Variants in GAS7 observed in about 807,000 individuals in gnomAD.
The protein encoded by GAS7 is growth arrest-specific protein 7.
A neutral mutation model predicts 71.1 loss-of-function variants in GAS7; 28 were observed. The observed-to-expected ratio is 0.39, with a 90% CI of 0.29 to 0.54. GAS7 has a LOEUF of 0.54. Ranked by LOEUF, GAS7 falls within the 20% of genes least tolerant of loss-of-function variation. GAS7 has a pLI of 0.62. For synonymous variants in GAS7, 258 were observed against 245.8 expected, an observed-to-expected ratio of 1.05 and a Z score of -0.46; for missense variants, 436 against 627.8, an observed-to-expected ratio of 0.69 and a Z score of 3.27.
intron 2 of GAS7, among the ~76,000 whole-genome samples, chr17:9,989,119 G>T (rs1436628563): frequency 6.6e-6 from 1 of 152,076 alleles, no homozygotes; most frequent in Non-Finnish European, 1.5e-5. Flanking sequence ...AAAGTGCTGG[G>T]ACTACGCGCC....
chr17:10,051,608 C>G (rs777468201), intron 1 of GAS7, among the ~76,000 whole-genome samples: 2 of 152,148 alleles, frequency 1.3e-5, no homozygotes, highest in Non-Finnish European at 2.9e-5. Context: ...CGCAAGTCCA[C>G]GAGGGCTACA....
At chr17:9,932,000 C>T (rs988327259) in intron 9 of GAS7, among the ~76,000 whole-genome samples, 11 of 152,054 alleles carry the variant, frequency 7.2e-5, no homozygotes, top group South Asian at 2.1e-4. Flanking sequence ...GAGTGCTGAA[C>T]GTGGAAGTCC....
At chr17:10,057,798 C>G (rs879127632) in intron 1 of GAS7, among the ~76,000 whole-genome samples, 1 of 152,116 alleles carries the variant, frequency 6.6e-6, no homozygotes, top group Non-Finnish European at 1.5e-5. Context: ...GGGGTTTTGT[C>G]GAATAGAAAA....
chr17:9,951,745 A>G (rs1405360668), intron 5 of GAS7, among the ~76,000 whole-genome samples: 2 of 138,364 alleles, frequency 1.4e-5, no homozygotes, highest in Admixed American at 7.4e-5. Flanking sequence ...GGGCAACAAG[A>G]GCAAAACTCT....
Position 9,983,362 on chromosome 17 carries a change from G to A in GAS7, c.305-1478C>T, listed in dbSNP as rs149208217. On this transcript the variant is annotated intron_variant, in intron 2 of 13. Transcript: ENST00000432992. ...AAAAATTAGCCAGGTGTGGTAGCACGTGCCTGTGGTCCCAGCTACTCAGGA... is the reference window on the plus strand; with the variant it reads ...AAAAATTAGCCAGGTGTGGTAGCACATGCCTGTGGTCCCAGCTACTCAGGA... 5.5e-4 allele frequency among the ~76,000 whole-genome samples: 84 copies of A among 152,222 alleles called. No individual in the cohort carries two copies. In the Middle Eastern group the frequency reaches 0.01, roughly 18 times the overall value.
chr17:10,162,096 C>T (rs906192153), intron 1 of GAS7, among the ~76,000 whole-genome samples: 18 of 150,654 alleles, frequency 1.2e-4, no homozygotes, highest in African/African-American at 1.7e-4. Context: ...AAATCGCCTT[C>T]CCAGAATGCT....
intron 2 of GAS7, among the ~76,000 whole-genome samples, chr17:10,005,189 GCACGCATGCATGTGTGTGCA>G (rs2071457768): frequency 2.7e-5 from 4 of 149,078 alleles, no homozygotes; most frequent in African/African-American, 7.5e-5. Context: ...ATGTGTATGT[GCACGCATGCATGTGTGTGCA>G]TGTGCGCGTG....
chr17:10,156,901 C>T (rs2074209703), intron 1 of GAS7, among the ~76,000 whole-genome samples: 1 of 152,190 alleles, frequency 6.6e-6, no homozygotes, highest in African/African-American at 2.4e-5. Context: ...ATCAAGATCC[C>T]CCTCCAGGCA....
At chr17:10,172,457 A>C (rs1353510902) in intron 1 of GAS7, among the ~76,000 whole-genome samples, 1 of 152,248 alleles carries the variant, frequency 6.6e-6, no homozygotes, top group Non-Finnish European at 1.5e-5. Flanking sequence ...CAGAGGAAAG[A>C]AGAAAGGAAA....
intron 1 of GAS7, among the ~76,000 whole-genome samples, chr17:10,092,902 T>C (rs1055661417): frequency 1.3e-5 from 2 of 152,204 alleles, no homozygotes; most frequent in East Asian, 1.9e-4. Context: ...ACAGTTGTGA[T>C]TGCATTTAGG....
chr17:9,917,899 C>A, intron 13 of GAS7, 102 bp downstream of exon 13: 1 of 790,854 alleles, frequency 1.3e-6, no homozygotes, highest in Admixed American at 2.3e-5. Context: ...GCCTTTAGGG[C>A]AGATTCACTT....
At chr17:10,113,765 T>G (rs529883586) in intron 1 of GAS7, among the ~76,000 whole-genome samples, 16 of 152,336 alleles carry the variant, frequency 1.1e-4, no homozygotes, top group African/African-American at 3.8e-4. Context: ...AGGGAACTGA[T>G]AGGTTGAGGA....
intron 1 of GAS7, among the ~76,000 whole-genome samples, chr17:10,195,418 C>A (rs1012354984): frequency 1.7e-4 from 26 of 152,300 alleles, no homozygotes; most frequent in East Asian, 1.5e-3. Context: ...TCCCTCCCCT[C>A]CACCAAGATG....
At chr17:9,967,424 C>T (rs201383713) in intron 4 of GAS7, among the ~76,000 whole-genome samples, 1 of 144,052 alleles carries the variant, frequency 6.9e-6, no homozygotes, top group Admixed American at 6.9e-5. Context: ...TAGCACCCCC[C>T]CTCCCCAGGC....
rs1265610483 is a variant in GAS7 at position 9,982,788 on chromosome 17, AGAAAGAAAG to A, written c.305-913_305-905del. ...GAGACTCTGCCTCAAAAAAAAAGAA[AGAAAGAAAG>A]GAAAGAAAGGAAAGAAAGGAAAGAA... On this transcript the variant is annotated intron_variant, in intron 2 of 13. Transcript: ENST00000432992. 1.1e-3 allele frequency among the ~76,000 whole-genome samples: 128 copies of A among 117,682 alleles called. No individual in the cohort carries two copies. In the East Asian group the frequency reaches 0.013, roughly 12 times the overall value. 77.2% of individuals were successfully genotyped at this position (117,682 alleles called of 152,430 possible).
At chr17:9,994,782 T>G (rs1372327978) in intron 2 of GAS7, among the ~76,000 whole-genome samples, 4 of 151,940 alleles carry the variant, frequency 2.6e-5, no homozygotes, top group Non-Finnish European at 4.4e-5. Context: ...CCTACTCACC[T>G]GACAAAGGGC....
rs371084335 is a variant in GAS7, at chr17:9,927,290, TACACAC to T, written c.886-527_886-522del. On this transcript the variant is annotated intron_variant, in intron 9 of 13. Coordinates refer to ENST00000432992, the MANE Select transcript of GAS7 (RefSeq NM_201433.2). ...ATGGTGAAACCCCATCTCTACTACA[TACACAC>T]ACACACACACACACACACACACACA... Among the ~76,000 whole-genome samples, 443 of 116,926 alleles carry T rather than the reference TACACAC, an allele frequency of 3.8e-3. 1 individual carries two copies. The highest frequency in any genetic ancestry group is 0.011 in the African/African-American group (332 of 29,962). The allele number at this position is 116,926 out of a possible 152,430, so 76.7% of individuals were successfully genotyped here.
chr17:10,054,244 T>A (rs560562234), intron 1 of GAS7, among the ~76,000 whole-genome samples: 10 of 152,198 alleles, frequency 6.6e-5, no homozygotes, highest in Non-Finnish European at 8.8e-5. Flanking sequence ...CTGCTTTCCC[T>A]AACCATAAGA....
At chr17:9,956,884 T>C (rs1161115786) in intron 5 of GAS7, among the ~76,000 whole-genome samples, 2 of 152,170 alleles carry the variant, frequency 1.3e-5, no homozygotes, top group African/African-American at 4.8e-5. Context: ...GAGCATCTCC[T>C]TCTTGGGAAA....
Sources: allele counts gnomAD v4.1 joint callset (sites outside exome capture counted in the v4.1 genomes callset), GRCh38; gene constraint gnomAD v4.1.1; transcripts MANE v1.5; gene names NCBI Gene and HGNC (gene_info 2026-07-23, HGNC 2026-07-21).